Variants in COL18A1 observed in about 807,000 individuals in gnomAD.
COL18A1 encodes the protein collagen type XVIII alpha 1 chain, also known as collagen alpha-1(XVIII) chain.
COL18A1 carries 133 observed loss-of-function variants against 168.0 expected under a neutral mutation model. The ratio of observed to expected loss-of-function variants is 0.79; its 90% CI spans 0.69 to 0.91. The LOEUF is 0.91. Among genes scored for constraint, COL18A1 ranks in the 40% least tolerant of loss-of-function variants. COL18A1 has a pLI of 0.00. For missense variants in COL18A1, 2,126 were observed against 1,925.4 expected (o/e 1.10, Z -1.95); for synonymous variants, 949 against 809.0 (o/e 1.17, Z -2.94).
At chr21:45,490,220 C>G in intron 19 of COL18A1, 55 bp from the exon 20 acceptor site, 1 of 1,466,144 alleles carries the variant, frequency 6.8e-7, no homozygotes, top group South Asian at 1.2e-5. Context: ...CGTGGGGGTC[C>G]CTGCATTCCT....
intron 2 of COL18A1, among the ~76,000 whole-genome samples, chr21:45,449,878 A>G (rs1337789636): frequency 6.6e-6 from 1 of 152,230 alleles, no homozygotes; most frequent in East Asian, 1.9e-4. Flanking sequence ...GCACTCTGGA[A>G]GTGCCATGAT....
intron 2 of COL18A1, among the ~76,000 whole-genome samples, chr21:45,418,767 A>AGCCACCCCACGTCACTTCCTG (rs1265496373): frequency 1.3e-5 from 2 of 151,586 alleles, no homozygotes; most frequent in African/African-American, 2.4e-5. Flanking sequence ...GGGGCCTCCA[A>AGCCACCCCACGTCACTTCCTG]GGCTGTCTCT....
chr21:45,500,479 T>TCGG (rs2036733633), intron 32 of COL18A1, among the ~76,000 whole-genome samples: 1 of 67,732 alleles, frequency 1.5e-5, no homozygotes, highest in Admixed American at 1.6e-4. Flanking sequence ...GGGGTGTGGT[T>TCGG]TGGTGTGTTG....
Position 45,512,352 on chromosome 21 carries a change from A to T in COL18A1, c.3974A>T (p.Tyr1325Phe). The T allele has an allele frequency of 3.1e-6, 5 of 1,612,750 alleles. No individual in the cohort carries two copies. Among genetic ancestry groups the T allele is most frequent in the Non-Finnish European group, 4.2e-6 (5 of 1,179,824 alleles). ...AGTGCCGCGAGCTGCCATCACGCCT[A>T]CATCGTGCTCTGCATTGAGAACAGC... ...GQSAASCHHA[Y>F]IVLCIENSFM... The change falls in exon 42 of 42, where the codon TAC becomes TTC. Residue 1325 changes from tyrosine (Y) to phenylalanine (F), a missense_variant. Transcript: ENST00000651438.
intron 2 of COL18A1, among the ~76,000 whole-genome samples, chr21:45,408,919 C>T (rs1222264257): frequency 6.6e-6 from 1 of 152,258 alleles, no homozygotes; most frequent in Non-Finnish European, 1.5e-5. Context: ...CAAGTCTCTT[C>T]CTCTCTCAGC....
At chr21:45,464,406 C>G (rs2145878307) in intron 2 of COL18A1, among the ~76,000 whole-genome samples, 1 of 152,290 alleles carries the variant, frequency 6.6e-6, no homozygotes, top group Admixed American at 6.5e-5. Flanking sequence ...GAACAGAGCT[C>G]CTGAGTCCCA....
Position 45,480,472 on chromosome 21 carries a change from C to T in COL18A1, c.1404C>T (p.Phe468=), listed in dbSNP as rs576246109. 9 of 1,614,022 alleles carry T rather than the reference C, an allele frequency of 5.6e-6. No homozygotes were observed. The highest frequency in any genetic ancestry group is 7.6e-6 in the Non-Finnish European group (9 of 1,180,020). ...TCTCCGGCTCTTTTCCTCAGACCTT[C>T]ATTGACATGGAGGGATCTGGCTTCG... ...GPSFRHDKLT[F]IDMEGSGFGG... is the part of the protein sequence containing the mutation. The change falls in exon 12 of 42, where the codon TTC becomes TTT. Residue 468 remains phenylalanine (F), a synonymous_variant. Transcript: ENST00000651438.
At chr21:45,435,793 T>A (rs1200927687) in intron 2 of COL18A1, among the ~76,000 whole-genome samples, 1 of 152,180 alleles carries the variant, frequency 6.6e-6, no homozygotes, top group Non-Finnish European at 1.5e-5. Context: ...CGGCGCTCCC[T>A]GGCACAGGTC....
In COL18A1 at chr21:45,510,266, G is replaced by T. The variant is rs1329355911; in HGVS notation, c.3693+5G>T. 2 of 1,599,958 alleles carry T rather than the reference G, an allele frequency of 1.3e-6. No individual in the cohort carries two copies. Among genetic ancestry groups the T allele is most frequent in the African/African-American group, 2.7e-5 (2 of 74,640 alleles). On this transcript the variant is annotated splice_donor_5th_base_variant and intron_variant, in intron 40 of 41. Transcript: ENST00000651438. ...GTGCCCATCGTCAACCTCAAGGTGGGTCAGTCCAGTCCTGAGGGCGCGGGC... is the reference window on the plus strand; with the variant it reads ...GTGCCCATCGTCAACCTCAAGGTGGTTCAGTCCAGTCCTGAGGGCGCGGGC...
At chr21:45,487,645 C>T (rs778469276) in intron 17 of COL18A1, 136 bp downstream of exon 17, 36 of 1,153,948 alleles carry the variant, frequency 3.1e-5, no homozygotes, top group Middle Eastern at 2.7e-4. Flanking sequence ...CCACGTGTGG[C>T]GGGCGCTGTG....
intron 2 of COL18A1, chr21:45,421,214 G>A (rs577255867): frequency 1.0e-4 from 37 of 356,940 alleles, no homozygotes; most frequent in East Asian, 4.4e-4. Context: ...CGGCTTTGCC[G>A]CCCCCACCCC....
intron 4 of COL18A1, among the ~76,000 whole-genome samples, chr21:45,474,629 A>G (rs1368013845): frequency 6.7e-6 from 1 of 149,802 alleles, no homozygotes; most frequent in Non-Finnish European, 1.5e-5. Context: ...CAAGGGGAGA[A>G]TCCCCCAGCC....
At chr21:45,441,703 TC>T (rs1290816420) in intron 2 of COL18A1, among the ~76,000 whole-genome samples, 107 of 152,370 alleles carry the variant, frequency 7.0e-4, no homozygotes, top group African/African-American at 2.3e-3. Flanking sequence ...CCAACAGGTC[TC>T]CTCTGAGCAG....
At position 45,505,828 on chromosome 21, in the gene COL18A1, G is replaced by T; in HGVS notation, c.3088-10G>T. 6.3e-7 allele frequency: 1 copy of T among 1,582,168 alleles called. No individual in the cohort carries two copies. The highest frequency in any genetic ancestry group is 8.6e-7 in the Non-Finnish European group (1 of 1,166,358). On this transcript the variant is annotated splice_polypyrimidine_tract_variant and intron_variant, in intron 36 of 41. Coordinates refer to ENST00000651438, the MANE Select transcript of COL18A1 (RefSeq NM_001379500.1). ...GCCAAGCCCCACACCTCTGCATTTG[G>T]TCCCAGCAGGTGAGGCTCTGGGCTA...
At chr21:45,434,550 G>A (rs1029127513) in intron 2 of COL18A1, among the ~76,000 whole-genome samples, 1 of 152,190 alleles carries the variant, frequency 6.6e-6, no homozygotes. Context: ...GAGCTTCAGA[G>A]GCTTGGCATG....
intron 2 of COL18A1, among the ~76,000 whole-genome samples, chr21:45,453,298 TG>T (rs1446463296): frequency 1.3e-5 from 2 of 152,138 alleles, no homozygotes; most frequent in East Asian, 1.9e-4. Context: ...TGGGGGCTTG[TG>T]TATGTGAGTA....
chr21:45,456,350 A>C, intron 2 of COL18A1: 1 of 1,550,434 alleles, frequency 6.4e-7, no homozygotes. Context: ...CTCCCTGGGC[A>C]AGCACGCGGC....
intron 2 of COL18A1, among the ~76,000 whole-genome samples, chr21:45,432,802 G>A (rs2145787004): frequency 6.6e-6 from 1 of 152,332 alleles, no homozygotes; most frequent in Middle Eastern, 3.4e-3. Flanking sequence ...CTGTCCTACA[G>A]CAAAAGCCTG....
chr21:45,497,490 G>GC (rs200424644), intron 31 of COL18A1, 109 bp from the exon 32 acceptor site: 24 of 1,403,926 alleles, frequency 1.7e-5, no homozygotes, highest in Admixed American at 5.9e-5. Context: ...TCCATCTGAT[G>GC]CCCCCCCATC....
Sources: allele counts gnomAD v4.1 joint callset (sites outside exome capture counted in the v4.1 genomes callset), GRCh38; gene constraint gnomAD v4.1.1; transcripts MANE v1.5; gene names NCBI Gene and HGNC (gene_info 2026-07-23, HGNC 2026-07-21).